The following ADAMTSL2 variants were observed in gnomAD, a reference collection of about 807,000 sequenced individuals.
ADAMTSL2 encodes the protein ADAMTS like 2.
Under a neutral mutation model 117.0 loss-of-function variants are expected in ADAMTSL2, and 55 were observed. The observed-to-expected ratio is 0.47, with a 90% confidence interval of 0.38 to 0.59. The LOEUF is 0.59. Among genes scored for constraint, ADAMTSL2 ranks in the 20% least tolerant of loss-of-function variants. The probability of loss-of-function intolerance (pLI) is 0.00; values close to 1 mark genes in which losing one functional copy is unlikely to be tolerated. For synonymous variants in ADAMTSL2, 572 were observed against 566.4 expected, an observed-to-expected ratio of 1.01 and a Z score of -0.14; for missense variants, 1,182 against 1,354.5, an observed-to-expected ratio of 0.87 and a Z score of 2.00.
chr9:133,546,742 T>G (rs1039025150), intron 8 of ADAMTSL2, among the ~76,000 whole-genome samples: 2 of 152,168 alleles, frequency 1.3e-5, no homozygotes, highest in Middle Eastern at 3.2e-3. Flanking sequence ...CTCATTACCT[T>G]GCAGCCCCTC....
At chr9:133,560,002 G>A (rs1448316680) in intron 11 of ADAMTSL2, among the ~76,000 whole-genome samples, 1 of 152,218 alleles carries the variant, frequency 6.6e-6, no homozygotes, top group Non-Finnish European at 1.5e-5. Context: ...TCCCATTCCA[G>A]TCCAAGCAAA....
At position 133,557,640 on chromosome 9, in the gene ADAMTSL2, G is replaced by A. The variant is rs1409494106; in HGVS notation, c.1649+1710G>A. Among the ~76,000 whole-genome samples, 11 of 152,182 alleles carry A rather than the reference G, an allele frequency of 7.2e-5. No individual in the cohort carries two copies. The highest frequency in any genetic ancestry group is 2.4e-4 in the African/African-American group (10 of 41,436). On this transcript the variant is annotated intron_variant, in intron 11 of 18. Transcript: ENST00000651351. This position sits in a 1 kb window ranked among gnomAD's most constrained non-coding sequence, Gnocchi z 5.2. Reference sequence around the variant, plus strand: ...CTGCCAGTCTGTCTGTGTCTTCAGCGTGGGCCCTCTTCACCTCCCAGGGCA... The same window carrying A: ...CTGCCAGTCTGTCTGTGTCTTCAGCATGGGCCCTCTTCACCTCCCAGGGCA...
In ADAMTSL2 at chr9:133,558,622, C is replaced by G. The variant is rs1830660538; in HGVS notation, c.1650-2576C>G. ...TCTCCTGCCTGGGGAGCCCGTGAGC[C>G]TGTGTCTGGCCGGGCATCTGGGCGA... On this transcript the variant is annotated intron_variant, in intron 11 of 18. Transcript: ENST00000651351. The surrounding 1 kb of genome is among the most constrained non-coding windows in gnomAD (Gnocchi z 4.3). 6.6e-6 allele frequency among the ~76,000 whole-genome samples: 1 copy of G among 152,174 alleles called. No individual in the cohort carries two copies. The highest frequency in any genetic ancestry group is 2.4e-5 in the African/African-American group (1 of 41,442).
In ADAMTSL2 at chr9:133,534,803, G is replaced by A. The variant is rs775218920; in HGVS notation, c.-265G>A. 30 of 1,485,454 alleles carry A rather than the reference G, an allele frequency of 2.0e-5. No homozygotes were observed. The South Asian group carries it at 3.1e-4, about 15-fold the overall frequency. The allele number at this position is 1,485,454 out of a possible 1,614,324, so 92.0% of individuals were successfully genotyped here. A position where few individuals can be genotyped will look rare whatever the true frequency, so the allele number is the denominator to read the frequency against. ...AGGAGGGGAAGGGGAGAGGGAGGCCGGGCCGCAGCCTCTGCACTCACGCCG... is the reference window on the plus strand; with the variant it reads ...AGGAGGGGAAGGGGAGAGGGAGGCCAGGCCGCAGCCTCTGCACTCACGCCG... On this transcript the variant is annotated 5_prime_UTR_variant, in exon 1 of 19. Coordinates refer to ENST00000651351, the MANE Select transcript of ADAMTSL2 (RefSeq NM_014694.4).
At chr9:133,561,439 A>G in intron 12 of ADAMTSL2, 144 bp downstream of exon 12, 1 of 739,982 alleles carries the variant, frequency 1.4e-6, no homozygotes, top group South Asian at 1.5e-5. Context: ...ACTTGGGGGC[A>G]GTGTGGCGTG....
chr9:133,570,494 GC>G lies in ADAMTSL2; in HGVS notation c.2583del (p.Trp862GlyfsTer12). 6.2e-7 allele frequency: 1 copy of G among 1,611,808 alleles called. No homozygotes were observed. Among genetic ancestry groups the G allele is most frequent in the Non-Finnish European group, 8.5e-7 (1 of 1,179,538 alleles). On this transcript the variant is annotated frameshift_variant, in exon 17 of 19. Transcript: ENST00000651351. LOFTEE classifies it high-confidence loss of function. ...AGGCCCTGCTTCAAGTGGTACACCA[GC>G]CCCTGGTCAGAGGTGAGCTCCCAGC... ...FERPCFKWYTSPWSECTKTCG... is the reference protein window; with the variant it reads ...FERPCFKWYTXPWSECTKTCG...
chr9:133,538,583 C>A lies in ADAMTSL2; in HGVS notation c.309+159C>A, dbSNP rs1158796423. ...GCAGGGTTGAGAAGGCTGCGGGGGGCCCTGGGCTAGTACGGAGCCATCCAC... is the reference window on the plus strand; with the variant it reads ...GCAGGGTTGAGAAGGCTGCGGGGGGACCTGGGCTAGTACGGAGCCATCCAC... On this transcript the variant is annotated intron_variant, in intron 4 of 18. Coordinates refer to ENST00000651351, the MANE Select transcript of ADAMTSL2 (RefSeq NM_014694.4). Among the ~76,000 whole-genome samples the A allele has an allele frequency of 8.5e-5, 13 of 152,298 alleles. No individual in the cohort carries two copies. The East Asian group carries it at 2.5e-3, about 29-fold the overall frequency.
chr9:133,534,607 C>T (rs955540559), upstream of ADAMTSL2: 1 of 1,266,864 alleles, frequency 7.9e-7, no homozygotes, highest in East Asian at 3.2e-5. Flanking sequence ...TGCGCCAGGC[C>T]GGCCGGCGCG....
intron 9 of ADAMTSL2, among the ~76,000 whole-genome samples, chr9:133,549,328 C>T (rs1207381460): frequency 6.6e-6 from 1 of 151,974 alleles, no homozygotes; most frequent in East Asian, 1.9e-4. Context: ...TCTGCGACGC[C>T]CTCTATTTCC....
rs1384378117 is a variant in ADAMTSL2 at position 133,539,466 on chromosome 9, AG to A, written c.310-302del. 5.3e-5 allele frequency among the ~76,000 whole-genome samples: 8 copies of A among 152,242 alleles called. No homozygotes were observed. The East Asian group carries it at 1.6e-3, about 30-fold the overall frequency. ...GGGGAGCACCCTTGCCAGCCATCCT[AG>A]GGTCATGTCCCCTCCACCGCAAGGC... On this transcript the variant is annotated intron_variant, in intron 4 of 18. Coordinates refer to ENST00000651351, the MANE Select transcript of ADAMTSL2 (RefSeq NM_014694.4).
At position 133,556,014 on chromosome 9, in the gene ADAMTSL2, G is replaced by C. The variant is rs1357652047; in HGVS notation, c.1649+84G>C. 3.9e-6 allele frequency: 6 copies of C among 1,526,698 alleles called. No homozygotes were observed. The African/African-American group carries it at 5.5e-5, about 14-fold the overall frequency. The allele number at this position is 1,526,698 out of a possible 1,614,324, so 94.6% of individuals were successfully genotyped here. ...GCCAGGTAGAAAGTGAGGCCCCACT[G>C]GGGGGGTCTGGCCAGAAGGGCTGAG... On this transcript the variant is annotated intron_variant, in intron 11 of 18. Transcript: ENST00000651351.
At position 133,547,037 on chromosome 9, in the gene ADAMTSL2, G is replaced by A; in HGVS notation, c.764-1G>A. 1 of 1,613,674 alleles carries A rather than the reference G, an allele frequency of 6.2e-7. No individual in the cohort carries two copies. Among genetic ancestry groups the A allele is most frequent in the Non-Finnish European group, 8.5e-7 (1 of 1,179,718 alleles). On this transcript the variant is annotated splice_acceptor_variant, in intron 8 of 18. Coordinates refer to ENST00000651351, the MANE Select transcript of ADAMTSL2 (RefSeq NM_014694.4). LOFTEE classifies it high-confidence loss of function. ...TGTGACCGGCGGCTTTGCCCTTCCAGCTCTTGCAGACGAAGCTGGCTACTA... is the reference window on the plus strand; with the variant it reads ...TGTGACCGGCGGCTTTGCCCTTCCAACTCTTGCAGACGAAGCTGGCTACTA...
intron 17 of ADAMTSL2, among the ~76,000 whole-genome samples, chr9:133,572,576 G>A (rs916551191): frequency 4.6e-5 from 7 of 152,144 alleles, no homozygotes; most frequent in Admixed American, 1.3e-4. Context: ...CAGGAAACAC[G>A]GACCCACTAG....
chr9:133,561,368 G>C, intron 12 of ADAMTSL2, 73 bp downstream of exon 12: 1 of 1,394,650 alleles, frequency 7.2e-7, no homozygotes, highest in South Asian at 1.2e-5. Flanking sequence ...GGGGCTGTGG[G>C]GCCCACCCAC....
upstream of ADAMTSL2, among the ~76,000 whole-genome samples, chr9:133,533,118 G>A (rs58426714): frequency 0.015 from 2,222 of 152,240 alleles, 59 homozygotes; most frequent in African/African-American, 0.05. Context: ...GGCACCCAGA[G>A]CGAGTGTAAT....
At chr9:133,559,723 A>ACAAG (rs1830685446) in intron 11 of ADAMTSL2, among the ~76,000 whole-genome samples, 1 of 152,050 alleles carries the variant, frequency 6.6e-6, no homozygotes, top group Non-Finnish European at 1.5e-5. Flanking sequence ...CTTCCCCTTG[A>ACAAG]GCCCCAGGAT....
In ADAMTSL2 at chr9:133,547,224, C is replaced by T. The variant is rs2073878; in HGVS notation, c.939+11C>T. 0.88 allele frequency: 1,419,571 copies of T among 1,611,754 alleles called. 632,942 individuals carry two copies. The highest frequency in any genetic ancestry group is 0.92 in the Non-Finnish European group (1,087,297 of 1,178,662). On this transcript the variant is annotated intron_variant, in intron 9 of 18. Transcript: ENST00000651351. ...GGCCTGAATGTCATGGTACGTGTGC[C>T]GCAGGCCTTGGGGGCCCCAGGGGCC...
intron 1 of ADAMTSL2, among the ~76,000 whole-genome samples, chr9:133,535,169 G>A (rs1830021616): frequency 6.6e-6 from 1 of 152,226 alleles, no homozygotes; most frequent in Non-Finnish European, 1.5e-5. Flanking sequence ...TTGGACCCCA[G>A]GGAGGGATGG....
intron 8 of ADAMTSL2, among the ~76,000 whole-genome samples, chr9:133,546,814 T>C (rs1293458784): frequency 6.6e-6 from 1 of 152,212 alleles, no homozygotes; most frequent in African/African-American, 2.4e-5. Context: ...CCGTGTTCAA[T>C]GTCTAGACCA....
Sources: allele counts gnomAD v4.1 joint callset (sites outside exome capture counted in the v4.1 genomes callset), GRCh38; gene constraint gnomAD v4.1.1; non-coding constraint Gnocchi (gnomAD v3.1); transcripts MANE v1.5; gene names NCBI Gene and HGNC (gene_info 2026-07-23, HGNC 2026-07-21).